ELAVL2: variants seen among roughly 807,000 people sequenced by gnomAD.
The protein encoded by ELAVL2 is ELAV-like protein 2.
Under a neutral mutation model 34.6 loss-of-function variants are expected in ELAVL2, and 4 were observed. The observed-to-expected ratio is 0.12, with a 90% CI of 0.06 to 0.26. The LOEUF (loss-of-function observed/expected upper bound fraction) is 0.26. Among genes scored for constraint, ELAVL2 ranks in the 10% least tolerant of loss-of-function variants. The probability of loss-of-function intolerance (pLI) is 1.00; values close to 1 mark genes in which losing one functional copy is unlikely to be tolerated. For synonymous variants in ELAVL2, 193 were observed against 154.8 expected (o/e 1.25, Z -1.83); for missense variants, 432 against 442.8 (o/e 0.98, Z 0.22).
chr9:23,742,264 A>T (rs2049392035), intron 2 of ELAVL2, among the ~76,000 whole-genome samples: 1 of 152,198 alleles, frequency 6.6e-6, no homozygotes, highest in Admixed American at 6.6e-5. Context: ...CAAGTACCTC[A>T]ATCCTCTTTC....
chr9:23,715,247 C>G (rs2041995698), intron 3 of ELAVL2, among the ~76,000 whole-genome samples: 1 of 152,194 alleles, frequency 6.6e-6, no homozygotes, highest in African/African-American at 2.4e-5. Context: ...CTCCCGGGTT[C>G]ACACCATTCT....
At chr9:23,823,128 G>A (rs1040846221) in intron 1 of ELAVL2, among the ~76,000 whole-genome samples, 6 of 152,214 alleles carry the variant, frequency 3.9e-5, no homozygotes, top group African/African-American at 1.4e-4. Context: ...CAGCATTTCC[G>A]TGTCACCCCA....
Position 23,756,099 on chromosome 9 carries a change from T to C in ELAVL2, c.229+5907A>G, listed in dbSNP as rs546977368. Among the ~76,000 whole-genome samples, 8 of 152,238 alleles carry C rather than the reference T, an allele frequency of 5.3e-5. No homozygotes were observed. In the East Asian group the frequency reaches 1.5e-3, roughly 29 times the overall value. On this transcript the variant is annotated intron_variant, in intron 2 of 6. Transcript: ENST00000397312. ...TTGTATTTGTTTAAAAAGAAGAGAA[T>C]CCTATGCCATTAAAATAGTTTGGAA...
At chr9:23,814,858 C>A (rs1431732632) in intron 1 of ELAVL2, among the ~76,000 whole-genome samples, 1 of 152,130 alleles carries the variant, frequency 6.6e-6, no homozygotes, top group African/African-American at 2.4e-5. Flanking sequence ...ATCAAGTGCT[C>A]CAGAAATATT....
intron 1 of ELAVL2, among the ~76,000 whole-genome samples, chr9:23,771,760 A>AAG (rs1328724813): frequency 6.6e-6 from 1 of 152,224 alleles, no homozygotes; most frequent in African/African-American, 2.4e-5. Context: ...AAAGTGGATG[A>AAG]AGATTAGATT....
chr9:23,704,532 A>T (rs2038653783), intron 4 of ELAVL2, among the ~76,000 whole-genome samples: 1 of 152,132 alleles, frequency 6.6e-6, no homozygotes, highest in Non-Finnish European at 1.5e-5. Flanking sequence ...CCTCCCTTGG[A>T]GAACTAGCTG....
intron 1 of ELAVL2, among the ~76,000 whole-genome samples, chr9:23,814,936 C>T (rs1036519249): frequency 1.3e-5 from 2 of 151,538 alleles, no homozygotes; most frequent in Non-Finnish European, 2.9e-5. Flanking sequence ...TTCTGATATA[C>T]ACAAATGATG....
upstream of ELAVL2, among the ~76,000 whole-genome samples, chr9:23,830,432 A>C (rs1292943286): frequency 1.3e-5 from 2 of 152,158 alleles, no homozygotes; most frequent in Non-Finnish European, 1.5e-5. Flanking sequence ...GAAAGACTGT[A>C]AAGTAAGAGA....
intron 2 of ELAVL2, among the ~76,000 whole-genome samples, chr9:23,749,199 G>A (rs553343110): frequency 1.3e-5 from 2 of 152,056 alleles, no homozygotes; most frequent in South Asian, 2.1e-4. Context: ...CTGATGACAC[G>A]TGTGCACCAG....
chr9:23,774,953 C>A (rs554379696), intron 1 of ELAVL2, among the ~76,000 whole-genome samples: 7 of 152,286 alleles, frequency 4.6e-5, no homozygotes, highest in African/African-American at 1.2e-4. Flanking sequence ...CATGTATCTA[C>A]ATTCATACAA....
intron 1 of ELAVL2, among the ~76,000 whole-genome samples, chr9:23,784,370 AG>A (rs895525155): frequency 4.6e-5 from 7 of 152,246 alleles, no homozygotes; most frequent in Admixed American, 3.3e-4. Context: ...AAACTGGGAC[AG>A]TGATCAGAAG....
chr9:23,801,875 C>T (rs912533005), intron 1 of ELAVL2, among the ~76,000 whole-genome samples: 5 of 152,110 alleles, frequency 3.3e-5, no homozygotes, highest in African/African-American at 9.7e-5. Context: ...TTCTAACAAG[C>T]GCTGCAAATA....
chr9:23,722,149 A>G (rs1473387328), intron 3 of ELAVL2, among the ~76,000 whole-genome samples: 5 of 152,242 alleles, frequency 3.3e-5, no homozygotes, highest in Non-Finnish European at 5.9e-5. Context: ...GGCTGGCAGA[A>G]GTGAAAATAA....
At chr9:23,743,588 A>T (rs1033097749) in intron 2 of ELAVL2, among the ~76,000 whole-genome samples, 1 of 152,188 alleles carries the variant, frequency 6.6e-6, no homozygotes, top group Non-Finnish European at 1.5e-5. Context: ...CGAACTATCT[A>T]AATCATATAC....
intron 1 of ELAVL2, among the ~76,000 whole-genome samples, chr9:23,781,361 A>C (rs1365415243): frequency 6.6e-6 from 1 of 151,734 alleles, no homozygotes; most frequent in Non-Finnish European, 1.5e-5. Flanking sequence ...AAACACACAC[A>C]CTCCAGGCTT....
chr9:23,698,826 G>C (rs1463583218), intron 5 of ELAVL2, among the ~76,000 whole-genome samples: 2 of 152,072 alleles, frequency 1.3e-5, no homozygotes, highest in East Asian at 1.9e-4. Flanking sequence ...TCAAACATCA[G>C]GTTAAACCTG....
chr9:23,845,497 A>T, the ELAVL2 span, among the ~76,000 whole-genome samples: 1 of 151,740 alleles, frequency 6.6e-6, no homozygotes, highest in Non-Finnish European at 1.5e-5. Context: ...GGTTTTTCCA[A>T]AATCAAAGTG....
At chr9:23,695,112 GATGCC>G (rs1307229759) in intron 5 of ELAVL2, among the ~76,000 whole-genome samples, 2 of 152,164 alleles carry the variant, frequency 1.3e-5, no homozygotes, top group Non-Finnish European at 2.9e-5. Context: ...TACAGTCAAA[GATGCC>G]ATGCCTTTAT....
At chr9:23,737,310 G>A (rs569613116) in intron 2 of ELAVL2, among the ~76,000 whole-genome samples, 1 of 152,298 alleles carries the variant, frequency 6.6e-6, no homozygotes, top group Admixed American at 6.5e-5. Context: ...TCCCTACATT[G>A]TACCAGATGG....
Sources: gnomAD v4.1 joint callset for allele counts (sites outside exome capture counted in the v4.1 genomes callset) on GRCh38, gnomAD v4.1.1 for gene constraint, MANE v1.5 for transcripts, NCBI Gene and HGNC (gene_info 2026-07-23, HGNC 2026-07-21) for gene names.